KCNH3: variants seen among roughly 807,000 people sequenced by gnomAD.
KCNH3 encodes the protein potassium voltage-gated channel subfamily H member 3.
In KCNH3, 36 loss-of-function variants were observed where a neutral mutation model predicts 95.6. The ratio of observed to expected loss-of-function variants is 0.38; its 90% confidence interval spans 0.29 to 0.50. The LOEUF (loss-of-function observed/expected upper bound fraction) is 0.50. Ranked by LOEUF, KCNH3 falls within the 20% of genes least tolerant of loss-of-function variation. The pLI, the probability that KCNH3 is intolerant of heterozygous loss-of-function variation, is 0.95. For missense variants in KCNH3, 1,030 were observed against 1,484.1 expected, an observed-to-expected ratio of 0.69 and a Z score of 5.03; for synonymous variants, 620 against 646.3, an observed-to-expected ratio of 0.96 and a Z score of 0.62.
chr12:49,553,787 T>C (rs182887617), intron 10 of KCNH3, among the ~76,000 whole-genome samples: 3 of 152,360 alleles, frequency 2.0e-5, no homozygotes, highest in African/African-American at 7.2e-5. Flanking sequence ...CAGAGGCAGC[T>C]AGGGCTCAGG....
intron 10 of KCNH3, among the ~76,000 whole-genome samples, chr12:49,551,871 G>C (rs977465192): frequency 6.6e-6 from 1 of 152,196 alleles, no homozygotes; most frequent in Non-Finnish European, 1.5e-5. Flanking sequence ...AGGAAGGTGG[G>C]GCGGTGTCAC....
chr12:49,544,141 T>TGCCAAACCAA, intron 6 of KCNH3, 34 bp from the exon 7 acceptor site: 3 of 1,413,410 alleles, frequency 2.1e-6, no homozygotes, highest in Non-Finnish European at 2.9e-6. Context: ...CCCGCTGACC[T>TGCCAAACCAA]CCCTCCCTCC....
chr12:49,546,951 A>G (rs1938082722), intron 7 of KCNH3, among the ~76,000 whole-genome samples: 2 of 152,148 alleles, frequency 1.3e-5, no homozygotes, highest in Non-Finnish European at 2.9e-5. Context: ...CTGGAGTGCA[A>G]CGGCGCAATC....
At chr12:49,549,670 C>G (rs1173182229) in intron 9 of KCNH3, 30 bp downstream of exon 9, 1 of 1,588,098 alleles carries the variant, frequency 6.3e-7, no homozygotes, top group Non-Finnish European at 8.5e-7. Context: ...GCCTGCTAGC[C>G]TTTGCTCCCT....
At chr12:49,552,432 G>T (rs1386591985) in intron 10 of KCNH3, among the ~76,000 whole-genome samples, 1 of 152,182 alleles carries the variant, frequency 6.6e-6, no homozygotes, top group Non-Finnish European at 1.5e-5. Context: ...ATATGTTTTG[G>T]GTGAACTACT....
rs1207637745 is a variant in KCNH3 at position 49,557,336 on chromosome 12, C to A, written c.2653-18C>A. On this transcript the variant is annotated intron_variant, in intron 14 of 14. Transcript: ENST00000257981. ...ATGGCTGACTCCATTCTGACCTCGC[C>A]TCCTCCCTCCCCCAAAGGTGACAGA... 6.2e-7 allele frequency: 1 copy of A among 1,610,568 alleles called. No homozygotes were observed. The highest frequency in any genetic ancestry group is 8.5e-7 in the Non-Finnish European group (1 of 1,177,600).
chr12:49,544,141 T>TGCCAGC, intron 6 of KCNH3, 34 bp from the exon 7 acceptor site: 5 of 1,413,362 alleles, frequency 3.5e-6, no homozygotes, highest in Non-Finnish European at 4.8e-6. Context: ...CCCGCTGACC[T>TGCCAGC]CCCTCCCTCC....
rs1425623029 is a variant in KCNH3 at position 49,548,961 on chromosome 12, G to C, written c.1256G>C (p.Gly419Ala). The C allele has an allele frequency of 5.0e-6, 8 of 1,608,946 alleles. No homozygotes were observed. The Admixed American group carries it at 1.2e-4, about 24-fold the overall frequency. Residue 419 changes from glycine to alanine, a missense_variant, in exon 8 of 15, where the codon GGA becomes GCA. Transcript: ENST00000257981. Reference sequence around the variant, plus strand: ...TACCTGGTGGGCCGGAGGCCAGCTGGAGGGAACAGCTCCGGCCAGAGTGAC... The same window carrying C: ...TACCTGGTGGGCCGGAGGCCAGCTGCAGGGAACAGCTCCGGCCAGAGTGAC... ...PYYLVGRRPAGGNSSGQSDNC... is the reference protein window; with the variant it reads ...PYYLVGRRPAAGNSSGQSDNC...
chr12:49,557,990 G>T lies in KCNH3; in HGVS notation c.*37G>T, dbSNP rs749867921. On this transcript the variant is annotated 3_prime_UTR_variant, in exon 15 of 15. Transcript: ENST00000257981. ...AGAACTCAGCGTTGCCAGGTGTGCT[G>T]CCATCTGCTGTTCGGCCCAACCTCA... 2 of 1,443,242 alleles carry T rather than the reference G, an allele frequency of 1.4e-6. No individual in the cohort carries two copies. Among genetic ancestry groups the T allele is most frequent in the Admixed American group, 2.4e-5 (1 of 41,170 alleles). The allele number at this position is 1,443,242 out of a possible 1,614,324, so 89.4% of individuals were successfully genotyped here.
In KCNH3 at chr12:49,558,175, G is replaced by C; in HGVS notation, c.*222G>C. On this transcript the variant is annotated 3_prime_UTR_variant, in exon 15 of 15. Transcript: ENST00000257981. ...CCTCGGCCTGCTCCTCTGACCTCCC[G>C]GTCTCCCTCTGCAGGCTGGGGGCAG... is the stretch of plus-strand genomic sequence containing the variant. 2.3e-6 allele frequency: 1 copy of C among 432,362 alleles called. No homozygotes were observed. Among genetic ancestry groups the C allele is most frequent in the East Asian group, 3.5e-5 (1 of 28,436 alleles). 26.8% of individuals were successfully genotyped at this position (432,362 alleles called of 1,614,324 possible). A position where few individuals can be genotyped will look rare whatever the true frequency, so the allele number is the denominator to read the frequency against.
rs374816936 is a variant in KCNH3 at position 49,554,398 on chromosome 12, C to T, written c.1980C>T (p.Ala660=). Residue 660 remains alanine, a synonymous_variant, in exon 11 of 15, where the codon GCC becomes GCT. Transcript: ENST00000257981. ...GGGAGCAGGTGGTAAAGGCCAATGC[C>T]GACGTGAAGGGGCTGACGTACTGCG... ...PRREQVVKAN[A]DVKGLTYCVL... 23 of 1,613,162 alleles carry T rather than the reference C, an allele frequency of 1.4e-5. No homozygotes were observed. The highest frequency in any genetic ancestry group is 1.6e-4 in the Middle Eastern group (1 of 6,084).
chr12:49,550,043 T>TACCCCCCCCC, intron 9 of KCNH3, 37 bp from the exon 10 acceptor site: 1 of 1,299,542 alleles, frequency 7.7e-7, no homozygotes. Flanking sequence ...CTTCTGCCAC[T>TACCCCCCCCC]CCCAACCCCC....
intron 2 of KCNH3, 72 bp downstream of exon 2, chr12:49,541,204 T>TC: frequency 9.1e-7 from 1 of 1,098,218 alleles, no homozygotes; most frequent in Non-Finnish European, 1.3e-6. Flanking sequence ...CCATCCACTG[T>TC]CCCTCCTCCT....
At chr12:49,553,592 T>G (rs1485575117) in intron 10 of KCNH3, among the ~76,000 whole-genome samples, 2 of 152,140 alleles carry the variant, frequency 1.3e-5, no homozygotes, top group African/African-American at 2.4e-5. Flanking sequence ...AAGACACACA[T>G]CTCACCCACC....
chr12:49,558,290 A>T lies in KCNH3; in HGVS notation c.*337A>T, dbSNP rs1938558383. ...AATTTTTATATTAAAAAAAAAAAAT[A>T]AAATAAACTACTTTGGAACCTGGTG... On this transcript the variant is annotated 3_prime_UTR_variant, in exon 15 of 15. Transcript: ENST00000257981. The T allele has an allele frequency of 2.5e-6, 1 of 395,112 alleles. No homozygotes were observed. Among genetic ancestry groups the T allele is most frequent in the African/African-American group, 2.1e-5 (1 of 48,534 alleles). 24.5% of individuals were successfully genotyped at this position (395,112 alleles called of 1,614,324 possible).
chr12:49,542,125 C>G (rs1271456601), intron 3 of KCNH3, among the ~76,000 whole-genome samples: 1 of 152,194 alleles, frequency 6.6e-6, no homozygotes, highest in African/African-American at 2.4e-5. Flanking sequence ...GAGCTCTGGG[C>G]AAAGCCTGCT....
chr12:49,557,788 C>G lies in KCNH3; in HGVS notation c.3087C>G (p.Pro1029=). ...PPSEEGARTG[P]AEPVSQAEAT... The stretch of plus-strand genomic sequence containing the variant: ...CTGAGGAAGGGGCTAGGACTGGGCC[C>G]GCAGAGCCTGTGAGCCAGGCTGAGG... The change falls in exon 15 of 15, where the codon CCC becomes CCG. Residue 1029 remains proline, a synonymous_variant. Transcript: ENST00000257981. 1 of 1,606,152 alleles carries G rather than the reference C, an allele frequency of 6.2e-7. No homozygotes were observed. Among genetic ancestry groups the G allele is most frequent in the Admixed American group, 1.7e-5 (1 of 59,626 alleles).
At chr12:49,545,253 T>C (rs1430672923) in intron 7 of KCNH3, among the ~76,000 whole-genome samples, 1 of 151,956 alleles carries the variant, frequency 6.6e-6, no homozygotes, top group Non-Finnish European at 1.5e-5. Context: ...CTTCCACCCT[T>C]TCTCTAGCCA....
Position 49,544,271 on chromosome 12 carries a change from C to A in KCNH3, c.1078C>A (p.Leu360Met). Reference sequence around the variant, plus strand: ...GTACTCGCAGTACAGCGCCGTGGTGCTGACACTGCTCATGGCCGTGTTCGC... The same window carrying A: ...GTACTCGCAGTACAGCGCCGTGGTGATGACACTGCTCATGGCCGTGTTCGC... Reference protein sequence around the residue: ...DRYSQYSAVVLTLLMAVFALL... With the variant: ...DRYSQYSAVVMTLLMAVFALL... The change falls in exon 7 of 15, where the codon CTG (leucine) becomes ATG (methionine). Residue 360 changes from leucine (L) to methionine (M), a missense_variant. Physicochemically the swap from Leu to Met is conservative, Grantham distance 15. Transcript: ENST00000257981. 6.2e-7 allele frequency: 1 copy of A among 1,609,826 alleles called. No homozygotes were observed. Among genetic ancestry groups the A allele is most frequent in the Non-Finnish European group, 8.5e-7 (1 of 1,179,094 alleles).
Sources: allele counts gnomAD v4.1 joint callset (sites outside exome capture counted in the v4.1 genomes callset), GRCh38; gene constraint gnomAD v4.1.1; transcripts MANE v1.5; gene names NCBI Gene and HGNC (gene_info 2026-07-23, HGNC 2026-07-21).